Variants in PLXNA4 observed in about 807,000 individuals in gnomAD.
PLXNA4 encodes plexin A4.
A neutral mutation model predicts 191.8 loss-of-function variants in PLXNA4; 44 were observed. The ratio of observed to expected loss-of-function variants is 0.23; its 90% CI spans 0.18 to 0.29. The LOEUF (loss-of-function observed/expected upper bound fraction) is 0.29. PLXNA4 is among the 10% of genes least tolerant of loss of function. The pLI, the probability that PLXNA4 is intolerant of heterozygous loss-of-function variation, is 1.00. For synonymous variants in PLXNA4, 1,082 were observed against 1,009.5 expected (o/e 1.07, Z -1.36); for missense variants, 1,800 against 2,488.8 (o/e 0.72, Z 5.89).
At chr7:132,630,687 AT>A (rs1486310634) in intron 2 of PLXNA4, among the ~76,000 whole-genome samples, 45 of 151,658 alleles carry the variant, frequency 3.0e-4, no homozygotes, top group African/African-American at 1.0e-3. Context: ...AATTTTTTGT[AT>A]TTTTAGTAGA....
chr7:132,503,920 C>G (rs960088507), intron 2 of PLXNA4, among the ~76,000 whole-genome samples: 3 of 152,214 alleles, frequency 2.0e-5, no homozygotes, highest in Non-Finnish European at 4.4e-5. Flanking sequence ...AAAGCCAGGA[C>G]AGGGGTAAAG....
intron 3 of PLXNA4, among the ~76,000 whole-genome samples, chr7:132,467,617 A>T (rs1796759154): frequency 6.6e-6 from 1 of 152,224 alleles, no homozygotes; most frequent in African/African-American, 2.4e-5. Flanking sequence ...GTGGGAAATT[A>T]ACACACAGAG....
chr7:132,532,216 G>A (rs138550048), intron 1 of PLXNA4, among the ~76,000 whole-genome samples: 32 of 152,324 alleles, frequency 2.1e-4, no homozygotes, highest in African/African-American at 7.0e-4. Context: ...CCAAAGAAAC[G>A]CAGTAAGAAG....
intron 25 of PLXNA4, among the ~76,000 whole-genome samples, chr7:132,158,132 G>A (rs1209225181): frequency 6.6e-6 from 1 of 152,170 alleles, no homozygotes; most frequent in Admixed American, 6.5e-5. Context: ...TCAGAGCACA[G>A]GGCCAAACAC....
chr7:132,230,882 C>T (rs1798502252), intron 5 of PLXNA4, among the ~76,000 whole-genome samples: 1 of 152,180 alleles, frequency 6.6e-6, no homozygotes, highest in Admixed American at 6.5e-5. Context: ...CAAACATCAC[C>T]TGGAGTTACC....
intron 4 of PLXNA4, among the ~76,000 whole-genome samples, chr7:132,264,931 C>T (rs528857892): frequency 4.1e-4 from 62 of 152,250 alleles, no homozygotes; most frequent in African/African-American, 1.4e-3. Context: ...TTCCTGACCT[C>T]AAGTGATCTG....
chr7:132,300,930 G>A (rs989480823), intron 3 of PLXNA4, among the ~76,000 whole-genome samples: 42 of 152,298 alleles, frequency 2.8e-4, no homozygotes, highest in Non-Finnish European at 2.9e-4. Flanking sequence ...TTTATCTTTC[G>A]ACTCCAACTT....
chr7:132,481,398 G>A (rs1797329117), intron 3 of PLXNA4, among the ~76,000 whole-genome samples: 1 of 152,018 alleles, frequency 6.6e-6, no homozygotes, highest in South Asian at 2.1e-4. Context: ...GGTAGAGTCT[G>A]TGATATTACT....
intron 3 of PLXNA4, among the ~76,000 whole-genome samples, chr7:132,417,372 T>C (rs1483650591): frequency 6.6e-6 from 1 of 152,206 alleles, no homozygotes; most frequent in Admixed American, 6.5e-5. Flanking sequence ...CCTCTGCTTC[T>C]TCCTAGACCC....
chr7:132,275,941 TGA>T (rs1299117860), intron 4 of PLXNA4, among the ~76,000 whole-genome samples: 3 of 152,194 alleles, frequency 2.0e-5, no homozygotes, highest in Non-Finnish European at 4.4e-5. Flanking sequence ...GTGTTCTCCT[TGA>T]AGACATCTGG....
intron 28 of PLXNA4, among the ~76,000 whole-genome samples, chr7:132,145,915 C>CAAAAAAAA (rs397778925): frequency 4.3e-5 from 4 of 92,396 alleles, no homozygotes; most frequent in Admixed American, 2.5e-4. Flanking sequence ...ACTAAAAATA[C>CAAAAAAAA]AAAAAAAAAA....
At chr7:132,147,104 C>T (rs79325519) in intron 27 of PLXNA4, among the ~76,000 whole-genome samples, 4,989 of 152,238 alleles carry the variant, frequency 0.033, 130 homozygotes, top group African/African-American at 0.07. Context: ...CCTCAATAAC[C>T]GCTGATCGGA....
At chr7:132,568,671 C>G (rs1801844533) in intron 1 of PLXNA4, among the ~76,000 whole-genome samples, 1 of 152,126 alleles carries the variant, frequency 6.6e-6, no homozygotes, top group Admixed American at 6.5e-5. Context: ...TATTAAAAAG[C>G]AGGAATTGAG....
At chr7:132,132,676 T>TA in intron 31 of PLXNA4, among the ~76,000 whole-genome samples, 1 of 152,074 alleles carries the variant, frequency 6.6e-6, no homozygotes, top group East Asian at 1.9e-4. Flanking sequence ...TATCATACCA[T>TA]ACAATGCCAT....
chr7:132,238,045 A>G (rs55721079), intron 5 of PLXNA4, among the ~76,000 whole-genome samples: 6,058 of 152,250 alleles, frequency 0.04, 185 homozygotes, highest in Non-Finnish European at 0.059. Flanking sequence ...TGCCGCTTAA[A>G]ATAGTCCCCG....
chr7:132,348,835 G>C (rs1038753193), intron 3 of PLXNA4, among the ~76,000 whole-genome samples: 1 of 152,224 alleles, frequency 6.6e-6, no homozygotes, highest in South Asian at 2.1e-4. Flanking sequence ...AGGTCCTAGG[G>C]GTAGAGGCAA....
chr7:132,561,528 C>CCTCCTT (rs1801068267), intron 1 of PLXNA4, among the ~76,000 whole-genome samples: 2 of 115,060 alleles, frequency 1.7e-5, no homozygotes, highest in Non-Finnish European at 3.4e-5. Context: ...TTCTCCTCCT[C>CCTCCTT]CTCCTTCTCC....
intron 3 of PLXNA4, among the ~76,000 whole-genome samples, chr7:132,410,199 C>T (rs1294972919): frequency 1.3e-5 from 2 of 152,082 alleles, no homozygotes; most frequent in East Asian, 3.9e-4. Context: ...TCCCCGTGCC[C>T]CCCTCCCCCA....
chr7:132,296,386 G>A (rs1801079014), intron 4 of PLXNA4, among the ~76,000 whole-genome samples: 1 of 152,134 alleles, frequency 6.6e-6, no homozygotes, highest in South Asian at 2.1e-4. Context: ...GTTCTCAAAG[G>A]GGGCTGATAA....
Sources: allele counts gnomAD v4.1 joint callset (sites outside exome capture counted in the v4.1 genomes callset), GRCh38; gene constraint gnomAD v4.1.1; transcripts MANE v1.5; gene names NCBI Gene and HGNC (gene_info 2026-07-23, HGNC 2026-07-21).